GPATCH1: variants seen among roughly 807,000 people sequenced by gnomAD.
The protein encoded by GPATCH1 is G patch domain-containing protein 1.
GPATCH1 carries 73 observed loss-of-function variants against 114.9 expected under a neutral mutation model. The observed-to-expected ratio is 0.64, with a 90% CI of 0.53 to 0.77. The LOEUF (loss-of-function observed/expected upper bound fraction) is 0.77. Among genes scored for constraint, GPATCH1 ranks in the 30% least tolerant of loss-of-function variants. GPATCH1 has a pLI of 0.00. For synonymous variants in GPATCH1, 391 were observed against 428.4 expected, an observed-to-expected ratio of 0.91 and a Z score of 1.08; for missense variants, 1,058 against 1,144.3, an observed-to-expected ratio of 0.92 and a Z score of 1.09.
At chr19:33,087,157 T>C (rs1972542054) in intron 1 of GPATCH1, among the ~76,000 whole-genome samples, 1 of 152,174 alleles carries the variant, frequency 6.6e-6, no homozygotes, top group South Asian at 2.1e-4. Flanking sequence ...TAAAGGGAGT[T>C]GGCTTGAAAC....
chr19:33,082,539 G>A (rs1972489832), intron 1 of GPATCH1, among the ~76,000 whole-genome samples: 2 of 152,006 alleles, frequency 1.3e-5, no homozygotes, highest in South Asian at 2.1e-4. Flanking sequence ...TTCTACCCTC[G>A]GCTTACAAAA....
intron 1 of GPATCH1, 146 bp from the exon 2 acceptor site, chr19:33,087,988 G>A (rs746340490): frequency 1.9e-6 from 1 of 517,468 alleles, no homozygotes; most frequent in Non-Finnish European, 3.3e-6. Context: ...AAGCAGTAAA[G>A]TCTAGGAATA....
intron 11 of GPATCH1, among the ~76,000 whole-genome samples, chr19:33,111,007 T>C (rs1001164149): frequency 8.7e-5 from 13 of 148,842 alleles, no homozygotes; most frequent in Admixed American, 1.3e-4. Flanking sequence ...TATATATATA[T>C]ACACACATCA....
chr19:33,111,927 C>A, intron 12 of GPATCH1, 25 bp downstream of exon 12: 1 of 1,561,690 alleles, frequency 6.4e-7, no homozygotes, highest in Non-Finnish European at 8.8e-7. Context: ...TGTCCCTTAC[C>A]TGGTGAACTT....
At chr19:33,086,324 T>C (rs758204817) in intron 1 of GPATCH1, among the ~76,000 whole-genome samples, 13 of 152,168 alleles carry the variant, frequency 8.5e-5, no homozygotes, top group Non-Finnish European at 7.4e-5. Flanking sequence ...ATTTCCCCCA[T>C]GGCCAGGGAC....
At chr19:33,113,637 A>G (rs1972882565) in intron 13 of GPATCH1, 130 bp from the exon 14 acceptor site, 9 of 677,874 alleles carry the variant, frequency 1.3e-5, no homozygotes, top group Non-Finnish European at 2.3e-5. Context: ...AACTGCTTTG[A>G]GAAGTGAAAG....
intron 17 of GPATCH1, among the ~76,000 whole-genome samples, chr19:33,124,789 T>A (rs1973021620): frequency 6.6e-6 from 1 of 152,198 alleles, no homozygotes; most frequent in Non-Finnish European, 1.5e-5. Flanking sequence ...TCTGATGATG[T>A]TGGATTACAA....
intron 17 of GPATCH1, 27 bp from the exon 18 acceptor site, chr19:33,125,078 C>T (rs549358502): frequency 6.3e-7 from 1 of 1,576,568 alleles, no homozygotes. Flanking sequence ...CTATATAGGT[C>T]CTGTGTTTAT....
At position 33,112,383 on chromosome 19, in the gene GPATCH1, CT is replaced by C. The variant is rs1972865845; in HGVS notation, c.1765-97del. The C allele has an allele frequency of 8.8e-5, 84 of 954,618 alleles. No individual in the cohort carries two copies. In the South Asian group the frequency reaches 1.9e-3, roughly 22 times the overall value. 59.1% of individuals were successfully genotyped at this position (954,618 alleles called of 1,614,324 possible). ...TGGAGCATAAATGTTATAGCACAAA[CT>C]TTTTTCACAGTTCTAGAAGATTGCT... On this transcript the variant is annotated intron_variant, in intron 12 of 19. Transcript: ENST00000170564.
At chr19:33,128,012 G>A (rs1240508122) in intron 19 of GPATCH1, among the ~76,000 whole-genome samples, 1 of 152,028 alleles carries the variant, frequency 6.6e-6, no homozygotes, top group Admixed American at 6.6e-5. Flanking sequence ...CACCATGCCT[G>A]GCCTATATAC....
rs753146175 is a variant in GPATCH1, at chr19:33,097,829, T to C, written c.927T>C (p.Thr309=). 1 of 1,613,894 alleles carries C rather than the reference T, an allele frequency of 6.2e-7. No homozygotes were observed. Among genetic ancestry groups the C allele is most frequent in the South Asian group, 1.1e-5 (1 of 91,082 alleles). Residue 309 remains threonine, a synonymous_variant, in exon 8 of 20, where the codon ACT becomes ACC. Transcript: ENST00000170564. ...CAGAAACTCTATCCAAGTATGACAC[T>C]GTTCTGAAGGACGAGGAGCCTGGAG... ...YATETLSKYD[T]VLKDEEPGDG... is the part of the protein sequence containing the mutation.
chr19:33,096,523 GTTCT>G (rs1247724750), intron 7 of GPATCH1, 77 bp downstream of exon 7: 30 of 1,250,208 alleles, frequency 2.4e-5, no homozygotes, highest in East Asian at 2.2e-4. Context: ...CTTTTTAGAG[GTTCT>G]TTATTTTCTT....
In GPATCH1 at chr19:33,095,257, GTTTTTTT is replaced by G. The variant is rs940614947; in HGVS notation, c.554-488_554-482del. Among the ~76,000 whole-genome samples the G allele has an allele frequency of 3.7e-5, 4 of 109,270 alleles. 1 individual carries two copies. In the South Asian group the frequency reaches 9.2e-4, roughly 25 times the overall value. The allele number at this position is 109,270 out of a possible 152,430, so 71.7% of individuals were successfully genotyped here. ...GTACCTCTGAAGAGTTATCAGTGAG[GTTTTTTT>G]TTTTTTTTTTTTTTTTGAGATGGAG... On this transcript the variant is annotated intron_variant, in intron 5 of 19. Coordinates refer to ENST00000170564, the MANE Select transcript of GPATCH1 (RefSeq NM_018025.3).
intron 2 of GPATCH1, 128 bp downstream of exon 2, chr19:33,088,396 G>A: frequency 4.6e-6 from 3 of 646,946 alleles, no homozygotes; most frequent in Non-Finnish European, 7.6e-6. Flanking sequence ...CCAGGCTGGA[G>A]TGCTGTTGTG....
At position 33,130,395 on chromosome 19, in the gene GPATCH1, T is replaced by G. The variant is rs772963916; in HGVS notation, c.*235T>G. The G allele has an allele frequency of 2.5e-6, 1 of 396,476 alleles. No individual in the cohort carries two copies. Among genetic ancestry groups the G allele is most frequent in the Non-Finnish European group, 4.4e-6 (1 of 225,256 alleles). 24.6% of individuals were successfully genotyped at this position (396,476 alleles called of 1,614,324 possible). Reference sequence around the variant, plus strand: ...TCCAGACTGAACAGTTTAATTAAAGTGGAATTTTTCTATTTTCTTCTTGAT... The same window carrying G: ...TCCAGACTGAACAGTTTAATTAAAGGGGAATTTTTCTATTTTCTTCTTGAT... On this transcript the variant is annotated 3_prime_UTR_variant, in exon 20 of 20. Coordinates refer to ENST00000170564, the MANE Select transcript of GPATCH1 (RefSeq NM_018025.3).
At position 33,088,292 on chromosome 19, in the gene GPATCH1, A is replaced by T. The variant is rs377489739; in HGVS notation, c.208+24A>T. On this transcript the variant is annotated intron_variant, in intron 2 of 19. Transcript: ENST00000170564. ...AGGTATCATTTTCCTAATTGTAGCTATTATACCATTAAAGCAAATGATCAA... is the reference window on the plus strand; with the variant it reads ...AGGTATCATTTTCCTAATTGTAGCTTTTATACCATTAAAGCAAATGATCAA... The T allele has an allele frequency of 5.9e-6, 9 of 1,520,550 alleles. No homozygotes were observed. The African/African-American group carries it at 1.1e-4, about 19-fold the overall frequency. The allele number at this position is 1,520,550 out of a possible 1,614,324, so 94.2% of individuals were successfully genotyped here.
intron 5 of GPATCH1, 122 bp from the exon 6 acceptor site, chr19:33,095,640 G>T: frequency 1.4e-6 from 1 of 721,044 alleles, no homozygotes; most frequent in Non-Finnish European, 2.5e-6. Flanking sequence ...GGGCTCAAGC[G>T]ATCCTCTCAC....
Position 33,088,259 on chromosome 19 carries a change from T to C in GPATCH1, c.199T>C (p.Ser67Pro), listed in dbSNP as rs777607898. The change falls in exon 2 of 20, where the codon TCA (serine) becomes CCA (proline). Residue 67 changes from serine (S) to proline (P), a missense_variant. Coordinates refer to ENST00000170564, the MANE Select transcript of GPATCH1 (RefSeq NM_018025.3). The part of the protein sequence containing the change: ...FSAGYFNTVG[S>P]KEGWTPSTFV... Reference sequence around the variant, plus strand: ...TGCTGGATACTTCAATACTGTTGGCTCAAAAGAAGGTATCATTTTCCTAAT... The same window carrying C: ...TGCTGGATACTTCAATACTGTTGGCCCAAAAGAAGGTATCATTTTCCTAAT... 5.6e-6 allele frequency: 9 copies of C among 1,598,912 alleles called. 1 individual carries two copies. In the South Asian group the frequency reaches 1.0e-4, roughly 18 times the overall value.
chr19:33,125,346 C>A, intron 18 of GPATCH1, 144 bp downstream of exon 18: 3 of 887,118 alleles, frequency 3.4e-6, no homozygotes, highest in African/African-American at 1.7e-5. Context: ...TGTTGACATT[C>A]AATTCAAATG....
Sources: gnomAD v4.1 joint callset for allele counts (sites outside exome capture counted in the v4.1 genomes callset) on GRCh38, gnomAD v4.1.1 for gene constraint, MANE v1.5 for transcripts, NCBI Gene and HGNC (gene_info 2026-07-23, HGNC 2026-07-21) for gene names.